Variants in BRINP2 observed in about 807,000 individuals in gnomAD.
BRINP2 encodes BMP/retinoic acid inducible neural specific 2, also known as BMP/retinoic acid-inducible neural-specific protein 2.
Under a neutral mutation model 69.2 loss-of-function variants are expected in BRINP2, and 21 were observed. That is an observed-to-expected ratio of 0.30 (90% CI 0.22 to 0.44). The LOEUF is 0.44. Among genes scored for constraint, BRINP2 ranks in the 20% least tolerant of loss-of-function variants. The pLI is 1.00. For synonymous variants in BRINP2, 380 were observed against 394.1 expected, an observed-to-expected ratio of 0.96 and a Z score of 0.42; for missense variants, 877 against 986.0, an observed-to-expected ratio of 0.89 and a Z score of 1.48.
At chr1:177,210,486 C>T (rs538833496) in intron 1 of BRINP2, among the ~76,000 whole-genome samples, 2 of 152,234 alleles carry the variant, frequency 1.3e-5, no homozygotes, top group Non-Finnish European at 2.9e-5. Context: ...GAGCAATGTA[C>T]ATGCACAACA....
At chr1:177,219,601 G>A (rs1649468295) in intron 1 of BRINP2, among the ~76,000 whole-genome samples, 1 of 152,216 alleles carries the variant, frequency 6.6e-6, no homozygotes. Context: ...CAGGAGCTCT[G>A]TGCTGTTTAG....
chr1:177,182,953 GTTTTTCTTTT>G (rs1217235345), intron 1 of BRINP2, among the ~76,000 whole-genome samples: 3 of 151,518 alleles, frequency 2.0e-5, no homozygotes, highest in South Asian at 2.1e-4. Flanking sequence ...TGTTGTTGTT[GTTTTTCTTTT>G]TTTTTCTTTT....
chr1:177,187,091 A>G (rs2102293625), intron 1 of BRINP2, among the ~76,000 whole-genome samples: 1 of 152,310 alleles, frequency 6.6e-6, no homozygotes, highest in East Asian at 1.9e-4. Context: ...CTGGCTCTCC[A>G]GTGACGGAGT....
At chr1:177,224,660 T>C (rs1649642122) in intron 1 of BRINP2, among the ~76,000 whole-genome samples, 2 of 152,052 alleles carry the variant, frequency 1.3e-5, no homozygotes, top group Non-Finnish European at 2.9e-5. Flanking sequence ...GGATCTAGGA[T>C]AGGTAGACCT....
intron 2 of BRINP2, among the ~76,000 whole-genome samples, chr1:177,236,239 G>A (rs1010813389): frequency 3.9e-5 from 6 of 152,138 alleles, no homozygotes; most frequent in Non-Finnish European, 5.9e-5. Context: ...TAGGCCTTCC[G>A]CCCAAGGAAT....
In BRINP2 at chr1:177,196,838, C is replaced by G. The variant is rs1390977127; in HGVS notation, c.-77+25106C>G. On this transcript the variant is annotated intron_variant, in intron 1 of 7. Coordinates refer to ENST00000361539, the MANE Select transcript of BRINP2 (RefSeq NM_021165.4). ...TTAGAGACTAAATAGCAGAAGGATT[C>G]AAACCCAGGCAATCTGGCTCAGAGA... Among the ~76,000 whole-genome samples, 4 of 152,082 alleles carry G rather than the reference C, an allele frequency of 2.6e-5. No homozygotes were observed. In the South Asian group the frequency reaches 6.2e-4, roughly 24 times the overall value.
chr1:177,185,651 C>G (rs1306472402), intron 1 of BRINP2, among the ~76,000 whole-genome samples: 1 of 152,164 alleles, frequency 6.6e-6, no homozygotes, highest in Non-Finnish European at 1.5e-5. Flanking sequence ...ATTCTCAGAA[C>G]AATCCTATAA....
intron 4 of BRINP2, among the ~76,000 whole-genome samples, chr1:177,267,193 C>T (rs1460645277): frequency 6.6e-6 from 1 of 152,178 alleles, no homozygotes; most frequent in Non-Finnish European, 1.5e-5. Context: ...ATTAAGAGAA[C>T]TCTGGTGAAA....
intron 1 of BRINP2, among the ~76,000 whole-genome samples, chr1:177,225,243 C>T (rs1347832970): frequency 1.3e-5 from 2 of 152,320 alleles, no homozygotes; most frequent in Admixed American, 1.3e-4. Context: ...CCCATTTACT[C>T]CATGGCTTAA....
chr1:177,200,994 G>A (rs1208466272), intron 1 of BRINP2, among the ~76,000 whole-genome samples: 2 of 152,122 alleles, frequency 1.3e-5, no homozygotes, highest in Non-Finnish European at 2.9e-5. Context: ...TAAGCTATAA[G>A]GATGCAAAAG....
intron 2 of BRINP2, among the ~76,000 whole-genome samples, chr1:177,232,482 T>G (rs1241249324): frequency 6.6e-6 from 1 of 152,230 alleles, no homozygotes; most frequent in Non-Finnish European, 1.5e-5. Flanking sequence ...TGTAGTATTC[T>G]GATTTGTGAC....
At chr1:177,272,907 A>G (rs776124827) in intron 4 of BRINP2, among the ~76,000 whole-genome samples, 7 of 152,234 alleles carry the variant, frequency 4.6e-5, no homozygotes, top group Non-Finnish European at 8.8e-5. Context: ...GAAATATTAC[A>G]TGGCTATAAG....
chr1:177,176,650 GA>G (rs1648096553), intron 1 of BRINP2, among the ~76,000 whole-genome samples: 1 of 151,860 alleles, frequency 6.6e-6, no homozygotes. Context: ...GACATAAAAA[GA>G]GAAAGAACAT....
intron 1 of BRINP2, among the ~76,000 whole-genome samples, chr1:177,220,323 ATTT>A (rs1037586289): frequency 2.0e-5 from 3 of 152,064 alleles, no homozygotes; most frequent in Non-Finnish European, 2.9e-5. Context: ...GGTGGGAGGT[ATTT>A]GGATCATAGG....
At chr1:177,279,735 G>A (rs1383639278) in intron 7 of BRINP2, among the ~76,000 whole-genome samples, 1 of 152,252 alleles carries the variant, frequency 6.6e-6, no homozygotes, top group Non-Finnish European at 1.5e-5. Flanking sequence ...TCTCAAGACA[G>A]TGTTCCTTCT....
intron 2 of BRINP2, among the ~76,000 whole-genome samples, chr1:177,253,149 T>G (rs2102343853): frequency 6.6e-6 from 1 of 152,272 alleles, no homozygotes; most frequent in African/African-American, 2.4e-5. Flanking sequence ...ACTGCACTAA[T>G]TTACACTCCC....
chr1:177,279,931 C>A (rs1036220102), intron 7 of BRINP2, among the ~76,000 whole-genome samples: 17 of 151,782 alleles, frequency 1.1e-4, no homozygotes, highest in African/African-American at 4.1e-4. Context: ...GAGCTAAAAT[C>A]AAAATTTTAA....
chr1:177,241,844 G>T (rs973016611), intron 2 of BRINP2, among the ~76,000 whole-genome samples: 2 of 152,212 alleles, frequency 1.3e-5, no homozygotes, highest in Non-Finnish European at 2.9e-5. Context: ...AGGACACAGG[G>T]TGACTCTTCT....
At chr1:177,224,050 G>A (rs925311524) in intron 1 of BRINP2, among the ~76,000 whole-genome samples, 3 of 152,166 alleles carry the variant, frequency 2.0e-5, no homozygotes, top group Non-Finnish European at 2.9e-5. Flanking sequence ...CCACAGATCT[G>A]AGCTGATAGC....
Sources: allele counts gnomAD v4.1 joint callset (sites outside exome capture counted in the v4.1 genomes callset), GRCh38; gene constraint gnomAD v4.1.1; transcripts MANE v1.5; gene names NCBI Gene and HGNC (gene_info 2026-07-23, HGNC 2026-07-21).